DSCAM: variants seen among roughly 807,000 people sequenced by gnomAD.
DSCAM encodes DS cell adhesion molecule.
In DSCAM, 47 loss-of-function variants were observed where a neutral mutation model predicts 217.7. The ratio of observed to expected loss-of-function variants is 0.22; its 90% CI spans 0.17 to 0.28. The LOEUF (loss-of-function observed/expected upper bound fraction) is 0.28. Among genes scored for constraint, DSCAM ranks in the 10% least tolerant of loss-of-function variants. The pLI, the probability that DSCAM is intolerant of heterozygous loss-of-function variation, is 1.00. For missense variants in DSCAM, 2,080 were observed against 2,618.3 expected (o/e 0.79, Z 4.49); for synonymous variants, 1,056 against 1,015.3 (o/e 1.04, Z -0.76).
At chr21:40,529,501 T>C (rs1363729998) in intron 3 of DSCAM, among the ~76,000 whole-genome samples, 2 of 152,136 alleles carry the variant, frequency 1.3e-5, no homozygotes, top group Non-Finnish European at 2.9e-5. Flanking sequence ...ACCTCCTTCA[T>C]AGTTGGTATG....
chr21:40,473,853 G>A (rs2075910432), intron 3 of DSCAM, among the ~76,000 whole-genome samples: 1 of 152,126 alleles, frequency 6.6e-6, no homozygotes, highest in South Asian at 2.1e-4. Flanking sequence ...GCCATCTACA[G>A]TGTTGGAAGG....
chr21:40,069,577 T>G (rs1482759388), intron 27 of DSCAM, among the ~76,000 whole-genome samples: 1 of 152,294 alleles, frequency 6.6e-6, no homozygotes, highest in South Asian at 2.1e-4. Flanking sequence ...ATATCTGAAG[T>G]TCTAGTTACG....
intron 3 of DSCAM, among the ~76,000 whole-genome samples, chr21:40,626,678 T>C (rs995027097): frequency 4.6e-5 from 7 of 152,192 alleles, no homozygotes; most frequent in Admixed American, 3.9e-4. Flanking sequence ...CCCATTCTAT[T>C]GTACATAGAG....
intron 3 of DSCAM, among the ~76,000 whole-genome samples, chr21:40,489,929 G>A (rs1371203346): frequency 1.3e-5 from 2 of 152,096 alleles, no homozygotes; most frequent in African/African-American, 4.8e-5. Context: ...TTGTAGGTGT[G>A]TTAGTCTGCT....
At chr21:40,413,939 C>T (rs2075346803) in intron 3 of DSCAM, among the ~76,000 whole-genome samples, 1 of 152,108 alleles carries the variant, frequency 6.6e-6, no homozygotes, top group South Asian at 2.1e-4. Context: ...CCAAAATGGA[C>T]CTCAATTATT....
intron 11 of DSCAM, among the ~76,000 whole-genome samples, chr21:40,266,643 A>ATATATATATATATT (rs2123345309): frequency 8.8e-6 from 1 of 113,052 alleles, no homozygotes; most frequent in East Asian, 3.8e-4. Context: ...TTTTATATAT[A>ATATATATATATATT]TATATATATA....
At chr21:40,087,122 G>A (rs766862960) in intron 22 of DSCAM, 48 bp downstream of exon 22, 2 of 1,362,908 alleles carry the variant, frequency 1.5e-6, no homozygotes, top group Admixed American at 1.7e-5. Flanking sequence ...TATGTCAGAT[G>A]TAATCTCTTA....
At chr21:40,181,176 G>T (rs57704704) in intron 14 of DSCAM, among the ~76,000 whole-genome samples, 10,028 of 151,872 alleles carry the variant, frequency 0.066, 1,064 homozygotes, top group African/African-American at 0.22. Flanking sequence ...TGTGTTTTAC[G>T]CCTAAGAACT....
intron 3 of DSCAM, among the ~76,000 whole-genome samples, chr21:40,451,670 G>C (rs112486058): frequency 2.0e-4 from 31 of 152,296 alleles, no homozygotes; most frequent in African/African-American, 7.2e-4. Context: ...CAGAACACAT[G>C]GTGGACTGCC....
intron 1 of DSCAM, among the ~76,000 whole-genome samples, chr21:40,730,095 G>A (rs1484035668): frequency 2.6e-5 from 4 of 152,148 alleles, no homozygotes; most frequent in East Asian, 3.8e-4. Flanking sequence ...GCAGAAACCC[G>A]TAGCCACTCA....
At position 40,013,298 on chromosome 21, in the gene DSCAM, T is replaced by A. The variant is rs773930263; in HGVS notation, c.5775A>T (p.Gly1925=). 1 of 1,612,998 alleles carries A rather than the reference T, an allele frequency of 6.2e-7. No individual in the cohort carries two copies. Among genetic ancestry groups the A allele is most frequent in the Non-Finnish European group, 8.5e-7 (1 of 1,179,534 alleles). Residue 1925 remains glycine (G), a synonymous_variant, in exon 33 of 33, where the codon GGA becomes GGT. Transcript: ENST00000400454. ...GPGTSRDLSL[G]QACLEPQKSR... Reference sequence around the variant, plus strand: ...TTTTCTGAGGTTCCAAGCATGCTTGTCCTAAGCTCAGGTCCCTGCTGGTGC... The same window carrying A: ...TTTTCTGAGGTTCCAAGCATGCTTGACCTAAGCTCAGGTCCCTGCTGGTGC...
chr21:40,080,846 T>A (rs1601310564), intron 24 of DSCAM, among the ~76,000 whole-genome samples: 1 of 152,180 alleles, frequency 6.6e-6, no homozygotes, highest in African/African-American at 2.4e-5. Flanking sequence ...CTTGCAGCCA[T>A]CCCACTATTC....
intron 1 of DSCAM, among the ~76,000 whole-genome samples, chr21:40,801,686 G>C (rs1180918722): frequency 6.6e-6 from 1 of 152,194 alleles, no homozygotes; most frequent in South Asian, 2.1e-4. Context: ...AGAGACCCTA[G>C]GTATGGCTTG....
chr21:40,534,938 GA>G (rs2076483594), intron 3 of DSCAM, among the ~76,000 whole-genome samples: 1 of 152,046 alleles, frequency 6.6e-6, no homozygotes, highest in Non-Finnish European at 1.5e-5. Flanking sequence ...TAGTGAATAA[GA>G]AAAATAGGGG....
chr21:40,380,800 G>A lies in DSCAM; in HGVS notation c.509-11555C>T, dbSNP rs969663179. Reference sequence around the variant, plus strand: ...GAACTGAGGCCGGGCGCGGTGGCTCGCGCCTGTAATCCCAGCACTTTGGGA... The same window carrying A: ...GAACTGAGGCCGGGCGCGGTGGCTCACGCCTGTAATCCCAGCACTTTGGGA... On this transcript the variant is annotated intron_variant, in intron 3 of 32. Coordinates refer to ENST00000400454, the MANE Select transcript of DSCAM (RefSeq NM_001389.5). 1.4e-4 allele frequency among the ~76,000 whole-genome samples: 21 copies of A among 152,030 alleles called. No homozygotes were observed. The South Asian group carries it at 3.1e-3, about 23-fold the overall frequency.
chr21:40,599,058 A>G (rs1404697055), intron 3 of DSCAM, among the ~76,000 whole-genome samples: 9 of 151,936 alleles, frequency 5.9e-5, no homozygotes, highest in Non-Finnish European at 1.0e-4. Flanking sequence ...ATTTGTTTTC[A>G]CATTGTTGAG....
chr21:40,488,016 TC>T, intron 3 of DSCAM, among the ~76,000 whole-genome samples: 1 of 152,358 alleles, frequency 6.6e-6, no homozygotes, highest in Middle Eastern at 3.4e-3. Flanking sequence ...AGGCACTGGT[TC>T]AGGAGATCCA....
At chr21:40,440,325 A>G (rs1034264048) in intron 3 of DSCAM, among the ~76,000 whole-genome samples, 124 of 139,054 alleles carry the variant, frequency 8.9e-4, no homozygotes, top group South Asian at 1.9e-3. Context: ...ACTGAGCAAC[A>G]CAGCCTCAGG....
Position 40,514,731 on chromosome 21 carries a change from A to C in DSCAM, c.509-145486T>G, listed in dbSNP as rs1355555844. ...GCTTTCATTCCTTATTTTCGCTCTT[A>C]TACTAGTAAATGTGGGATAAATGTA... is the stretch of plus-strand genomic sequence containing the variant. On this transcript the variant is annotated intron_variant, in intron 3 of 32. Transcript: ENST00000400454. Among the ~76,000 whole-genome samples, 8 of 152,320 alleles carry C rather than the reference A, an allele frequency of 5.3e-5. No homozygotes were observed. The East Asian group carries it at 1.5e-3, about 29-fold the overall frequency.
Sources: gnomAD v4.1 joint callset for allele counts (sites outside exome capture counted in the v4.1 genomes callset) on GRCh38, gnomAD v4.1.1 for gene constraint, MANE v1.5 for transcripts, NCBI Gene and HGNC (gene_info 2026-07-23, HGNC 2026-07-21) for gene names.